SRPK2: variants seen among roughly 807,000 people sequenced by gnomAD.
The protein encoded by SRPK2 is SFRS protein kinase 2.
In SRPK2, 21 loss-of-function variants were observed where a neutral mutation model predicts 90.8. The observed-to-expected ratio is 0.23, with a 90% CI of 0.16 to 0.33. SRPK2 has a LOEUF of 0.33. Among genes scored for constraint, SRPK2 ranks in the 10% least tolerant of loss-of-function variants. The pLI, the probability that SRPK2 is intolerant of heterozygous loss-of-function variation, is 1.00. For missense variants in SRPK2, 620 were observed against 869.0 expected, an observed-to-expected ratio of 0.71 and a Z score of 3.60; for synonymous variants, 288 against 311.1, an observed-to-expected ratio of 0.93 and a Z score of 0.78.
intron 2 of SRPK2, among the ~76,000 whole-genome samples, chr7:105,372,340 A>G (rs1436680718): frequency 6.6e-6 from 1 of 152,182 alleles, no homozygotes; most frequent in Non-Finnish European, 1.5e-5. Flanking sequence ...AACTAACTTA[A>G]GAAATTAAAT....
upstream of SRPK2, chr7:105,389,197 G>A (rs1446193570): frequency 1.8e-6 from 2 of 1,121,574 alleles, no homozygotes; most frequent in East Asian, 1.0e-4. Context: ...CCCGGGCACC[G>A]GACCCGCGGG....
intron 13 of SRPK2, among the ~76,000 whole-genome samples, chr7:105,127,350 G>C (rs528908942): frequency 2.0e-4 from 30 of 152,324 alleles, no homozygotes; most frequent in South Asian, 1.7e-3. Context: ...GGCCTGGCCA[G>C]AGCGCGGTAT....
At chr7:105,130,853 A>G (rs1219425593) in intron 13 of SRPK2, among the ~76,000 whole-genome samples, 2 of 151,936 alleles carry the variant, frequency 1.3e-5, no homozygotes, top group African/African-American at 4.8e-5. Flanking sequence ...AGCAAACCTC[A>G]TAAGCCGTCC....
At chr7:105,376,232 TGTG>T in intron 2 of SRPK2, among the ~76,000 whole-genome samples, 1 of 151,636 alleles carries the variant, frequency 6.6e-6, no homozygotes, top group South Asian at 2.1e-4. Flanking sequence ...CTCCTGACCT[TGTG>T]ATCCGCCCGC....
At chr7:105,184,734 A>C (rs1419079164) in intron 3 of SRPK2, among the ~76,000 whole-genome samples, 9 of 152,186 alleles carry the variant, frequency 5.9e-5, no homozygotes, top group Admixed American at 5.9e-4. Context: ...TCTTTCCTTG[A>C]GTATGTTAAA....
intron 2 of SRPK2, among the ~76,000 whole-genome samples, chr7:105,299,533 T>C (rs1028555745): frequency 6.6e-6 from 1 of 152,236 alleles, no homozygotes; most frequent in South Asian, 2.1e-4. Context: ...CCACAGACAC[T>C]GGAGAGATAT....
chr7:105,158,515 A>T (rs542297984), intron 7 of SRPK2, among the ~76,000 whole-genome samples: 18 of 152,264 alleles, frequency 1.2e-4, no homozygotes, highest in Non-Finnish European at 2.4e-4. Flanking sequence ...GGCCGCCCAA[A>T]GTGCTGGGAT....
At chr7:105,181,410 G>A (rs992303454) in intron 3 of SRPK2, among the ~76,000 whole-genome samples, 18 of 152,226 alleles carry the variant, frequency 1.2e-4, no homozygotes, top group African/African-American at 3.4e-4. Context: ...AAAGACACAC[G>A]CACGCACGTG....
intron 2 of SRPK2, chr7:105,304,420 A>C (rs1243933585): frequency 3.3e-5 from 5 of 152,232 alleles, no homozygotes. Context: ...GTACAATGGC[A>C]GCATTGTTGG....
intron 2 of SRPK2, among the ~76,000 whole-genome samples, chr7:105,310,223 T>C (rs1811557967): frequency 6.6e-6 from 1 of 152,090 alleles, no homozygotes; most frequent in Admixed American, 6.6e-5. Flanking sequence ...CTGAACCAAC[T>C]GAAGTTCAGG....
At chr7:105,303,195 T>C (rs558413945) in intron 2 of SRPK2, among the ~76,000 whole-genome samples, 2 of 152,300 alleles carry the variant, frequency 1.3e-5, no homozygotes, top group African/African-American at 4.8e-5. Flanking sequence ...ACCACCATTC[T>C]GAGCAAACTA....
At chr7:105,395,050 A>C (rs547228303) in intron 1 of SRPK2, among the ~76,000 whole-genome samples, 83 of 152,236 alleles carry the variant, frequency 5.5e-4, no homozygotes, top group South Asian at 3.7e-3. Context: ...GCACATGCCT[A>C]TAATCCCAGC....
intron 2 of SRPK2, among the ~76,000 whole-genome samples, chr7:105,232,414 G>A (rs62484669): frequency 0.069 from 10,153 of 147,304 alleles, 449 homozygotes; most frequent in Middle Eastern, 0.13. Context: ...AGCCGAGATC[G>A]CGCCATTGCA....
chr7:105,347,903 C>G (rs943698878), intron 2 of SRPK2, among the ~76,000 whole-genome samples: 2 of 151,374 alleles, frequency 1.3e-5, no homozygotes, highest in African/African-American at 4.8e-5. Context: ...ACAATTAATT[C>G]TAAATTACAT....
At chr7:105,243,730 T>C (rs886930253) in intron 2 of SRPK2, among the ~76,000 whole-genome samples, 1 of 152,042 alleles carries the variant, frequency 6.6e-6, no homozygotes, top group Admixed American at 6.6e-5. Context: ...AGACTGAATT[T>C]GCAGCAAGAC....
intron 3 of SRPK2, among the ~76,000 whole-genome samples, chr7:105,184,134 CCTGG>C (rs1793265155): frequency 6.6e-6 from 1 of 151,766 alleles, no homozygotes. Context: ...TGCCACCACA[CCTGG>C]CTAATTTTTT....
chr7:105,332,812 T>C (rs895453970), intron 2 of SRPK2: 2 of 150,872 alleles, frequency 1.3e-5, no homozygotes, highest in African/African-American at 4.9e-5. Flanking sequence ...GCAGCATATA[T>C]ACTAAAATTG....
chr7:105,298,358 CAG>C (rs1162250761), intron 2 of SRPK2, among the ~76,000 whole-genome samples: 2 of 152,240 alleles, frequency 1.3e-5, no homozygotes, highest in African/African-American at 4.8e-5. Context: ...ATGGATGTAT[CAG>C]AGTTTGTTTA....
intron 2 of SRPK2, among the ~76,000 whole-genome samples, chr7:105,226,512 G>T (rs1412454734): frequency 6.6e-6 from 1 of 151,936 alleles, no homozygotes; most frequent in East Asian, 1.9e-4. Context: ...GCTGGTCTTA[G>T]AACTCCTGAC....
Sources: gnomAD v4.1 joint callset for allele counts (sites outside exome capture counted in the v4.1 genomes callset) on GRCh38, gnomAD v4.1.1 for gene constraint, MANE v1.5 for transcripts, NCBI Gene and HGNC (gene_info 2026-07-23, HGNC 2026-07-21) for gene names.